The following CDH13 variants were observed in gnomAD, a reference collection of about 807,000 sequenced individuals.
CDH13 encodes the protein cadherin-13.
CDH13 carries 24 observed loss-of-function variants against 63.8 expected under a neutral mutation model. The ratio of observed to expected loss-of-function variants is 0.38; its 90% confidence interval spans 0.27 to 0.53. The LOEUF is 0.53. Among genes scored for constraint, CDH13 ranks in the 20% least tolerant of loss-of-function variants. The probability of loss-of-function intolerance (pLI) is 0.85; values close to 1 mark genes in which losing one functional copy is unlikely to be tolerated. For missense variants in CDH13, 1,049 were observed against 903.1 expected (o/e 1.16, Z -2.07); for synonymous variants, 503 against 355.3 (o/e 1.42, Z -4.67).
At chr16:83,160,887 A>C (rs974824725) in intron 4 of CDH13, among the ~76,000 whole-genome samples, 1 of 152,192 alleles carries the variant, frequency 6.6e-6, no homozygotes, top group East Asian at 1.9e-4. Flanking sequence ...CTGGGATGTT[A>C]TGTCTAATTC....
intron 3 of CDH13, among the ~76,000 whole-genome samples, chr16:83,123,719 C>G (rs113347605): frequency 5.9e-5 from 9 of 152,210 alleles, no homozygotes; most frequent in African/African-American, 2.2e-4. Flanking sequence ...TGTGTATATA[C>G]CTGGTAGTGG....
intron 1 of CDH13, among the ~76,000 whole-genome samples, chr16:82,690,233 G>T (rs931816071): frequency 1.3e-5 from 2 of 151,148 alleles, no homozygotes; most frequent in African/African-American, 2.4e-5. Flanking sequence ...TTGGTGGAGG[G>T]AAATAAATAT....
chr16:83,066,656 CAG>C (rs2032032893), intron 3 of CDH13, among the ~76,000 whole-genome samples: 1 of 152,192 alleles, frequency 6.6e-6, no homozygotes, highest in Non-Finnish European at 1.5e-5. Flanking sequence ...ATTTAAAGAA[CAG>C]AATGATTATC....
chr16:83,115,033 G>T (rs577755178), intron 3 of CDH13, among the ~76,000 whole-genome samples: 2 of 152,294 alleles, frequency 1.3e-5, no homozygotes, highest in South Asian at 4.1e-4. Flanking sequence ...CTGGAGATTT[G>T]TTCTCTCTGG....
At chr16:83,046,997 G>C (rs946725136) in intron 3 of CDH13, among the ~76,000 whole-genome samples, 1 of 152,206 alleles carries the variant, frequency 6.6e-6, no homozygotes, top group African/African-American at 2.4e-5. Context: ...TTCCTCAACT[G>C]TCTATCTTTC....
chr16:83,337,957 C>A (rs1230616338), intron 5 of CDH13, among the ~76,000 whole-genome samples: 1 of 151,914 alleles, frequency 6.6e-6, no homozygotes, highest in Non-Finnish European at 1.5e-5. Context: ...GGAGTCCATG[C>A]AAAAACATTC....
At chr16:83,079,486 T>G (rs955521981) in intron 3 of CDH13, among the ~76,000 whole-genome samples, 5 of 152,208 alleles carry the variant, frequency 3.3e-5, no homozygotes, top group Non-Finnish European at 7.3e-5. Context: ...AGAAAATATG[T>G]GCTTTAATGA....
intron 3 of CDH13, among the ~76,000 whole-genome samples, chr16:83,103,626 T>C (rs541347778): frequency 6.6e-6 from 1 of 152,316 alleles, no homozygotes; most frequent in South Asian, 2.1e-4. Context: ...CTGAGCGGAA[T>C]GGCCTGTGTT....
chr16:83,663,315 C>A (rs996761642), intron 8 of CDH13, among the ~76,000 whole-genome samples: 2 of 152,140 alleles, frequency 1.3e-5, no homozygotes, highest in African/African-American at 4.8e-5. Context: ...ATGGATTATG[C>A]AGGCACCCTG....
Position 83,065,580 on chromosome 16 carries a change from C to G in CDH13, c.366+33362C>G, listed in dbSNP as rs146034054. On this transcript the variant is annotated intron_variant, in intron 3 of 13. Transcript: ENST00000567109. ...ATTAGCCAGGTGTGGTGGTGCACGC[C>G]TGTAATTCCAGCTAGTCGGGAGGCT... is the stretch of plus-strand genomic sequence containing the variant. Among the ~76,000 whole-genome samples the G allele has an allele frequency of 1.1e-4, 17 of 152,168 alleles. No homozygotes were observed. In the East Asian group the frequency reaches 3.3e-3, roughly 29 times the overall value.
At chr16:82,650,168 A>G (rs188360282) in intron 1 of CDH13, among the ~76,000 whole-genome samples, 1 of 152,338 alleles carries the variant, frequency 6.6e-6, no homozygotes, top group Admixed American at 6.5e-5. Context: ...GTAAAATAGG[A>G]TGCATGGCTT....
At position 83,562,909 on chromosome 16, in the gene CDH13, G is replaced by A. The variant is rs1179776972; in HGVS notation, c.961-39545G>A. Reference sequence around the variant, plus strand: ...TGTAGATTTGGTTAAACTGTGGGTAGCCAAGAGGGACGAGGACCTGGATTT... The same window carrying A: ...TGTAGATTTGGTTAAACTGTGGGTAACCAAGAGGGACGAGGACCTGGATTT... On this transcript the variant is annotated intron_variant, in intron 7 of 13. Transcript: ENST00000567109. Among the ~76,000 whole-genome samples, 4 of 152,158 alleles carry A rather than the reference G, an allele frequency of 2.6e-5. No individual in the cohort carries two copies. The South Asian group carries it at 8.3e-4, about 32-fold the overall frequency.
At chr16:83,713,245 A>C (rs1196109163) in intron 10 of CDH13, among the ~76,000 whole-genome samples, 1 of 152,202 alleles carries the variant, frequency 6.6e-6, no homozygotes, top group Non-Finnish European at 1.5e-5. Flanking sequence ...TCATGGACGC[A>C]TTGATAGATG....
chr16:83,119,183 G>A (rs920569550), intron 3 of CDH13, among the ~76,000 whole-genome samples: 4 of 152,138 alleles, frequency 2.6e-5, no homozygotes, highest in Non-Finnish European at 4.4e-5. Context: ...TCCTCTCTGT[G>A]CTTCTGGTTT....
intron 6 of CDH13, among the ~76,000 whole-genome samples, chr16:83,466,092 G>T (rs937549736): frequency 5.9e-5 from 9 of 152,170 alleles, no homozygotes; most frequent in Non-Finnish European, 1.3e-4. Context: ...CAACCCCATG[G>T]TCAAGCAGCC....
intron 10 of CDH13, among the ~76,000 whole-genome samples, chr16:83,698,161 G>A (rs9630647): frequency 0.019 from 2,957 of 152,316 alleles, 106 homozygotes; most frequent in African/African-American, 0.068. Context: ...TCCAAAGACA[G>A]TTTTTAACCA....
At chr16:82,698,133 A>AG (rs1163687631) in intron 1 of CDH13, among the ~76,000 whole-genome samples, 1 of 152,238 alleles carries the variant, frequency 6.6e-6, no homozygotes, top group East Asian at 1.9e-4. Flanking sequence ...CTGTAGGCCT[A>AG]GGAATACCAT....
In CDH13 at chr16:83,364,234, G is replaced by A. The variant is rs1419805871; in HGVS notation, c.781+19228G>A. On this transcript the variant is annotated intron_variant, in intron 6 of 13. Coordinates refer to ENST00000567109, the MANE Select transcript of CDH13 (RefSeq NM_001257.5). ...ACATAATAAGTCCACATACAAAATG[G>A]CAGACAGATTTTCTGCCTGTGGATC... Among the ~76,000 whole-genome samples the A allele has an allele frequency of 3.9e-5, 6 of 152,160 alleles. No homozygotes were observed. The East Asian group carries it at 7.7e-4, about 20-fold the overall frequency.
intron 7 of CDH13, among the ~76,000 whole-genome samples, chr16:83,517,304 T>A (rs2074719972): frequency 6.6e-6 from 1 of 152,186 alleles, no homozygotes; most frequent in Non-Finnish European, 1.5e-5. Flanking sequence ...AGGGCTAGAT[T>A]AGGTTATGCT....
Sources: gnomAD v4.1 joint callset for allele counts (sites outside exome capture counted in the v4.1 genomes callset) on GRCh38, gnomAD v4.1.1 for gene constraint, MANE v1.5 for transcripts, NCBI Gene and HGNC (gene_info 2026-07-23, HGNC 2026-07-21) for gene names.